HCRTR2: variants seen among roughly 807,000 people sequenced by gnomAD.
HCRTR2 encodes the protein hypocretin receptor 2, also known as orexin receptor type 2.
A neutral mutation model predicts 49.0 loss-of-function variants in HCRTR2; 22 were observed. That is an observed-to-expected ratio of 0.45 (90% CI 0.32 to 0.64). The LOEUF is 0.64. Among genes scored for constraint, HCRTR2 ranks in the 30% least tolerant of loss-of-function variants. HCRTR2 has a pLI of 0.04. For missense variants in HCRTR2, 491 were observed against 559.4 expected, an observed-to-expected ratio of 0.88 and a Z score of 1.23; for synonymous variants, 236 against 205.3, an observed-to-expected ratio of 1.15 and a Z score of -1.28.
intron 3 of HCRTR2, among the ~76,000 whole-genome samples, chr6:55,262,921 G>A (rs570119589): frequency 1.3e-5 from 2 of 150,904 alleles, no homozygotes; most frequent in East Asian, 1.9e-4. Flanking sequence ...TGTGTACATA[G>A]GATTAATTAT....
chr6:55,152,456 T>C (rs999496797), intron 1 of HCRTR2, among the ~76,000 whole-genome samples: 1 of 152,044 alleles, frequency 6.6e-6, no homozygotes, highest in Admixed American at 6.6e-5. Flanking sequence ...TATAGAGTTG[T>C]AGCAGTTCCT....
At chr6:55,268,955 T>TG in intron 4 of HCRTR2, among the ~76,000 whole-genome samples, 1 of 149,474 alleles carries the variant, frequency 6.7e-6, no homozygotes, top group Non-Finnish European at 1.5e-5. Context: ...CCGGGTGAGG[T>TG]GGGGGGCACC....
chr6:55,250,639 G>A (rs549756207), intron 2 of HCRTR2, among the ~76,000 whole-genome samples: 3 of 152,268 alleles, frequency 2.0e-5, no homozygotes, highest in South Asian at 4.1e-4. Flanking sequence ...AGTTTCCTGT[G>A]AGTATTTGCA....
At chr6:55,137,851 T>C (rs760113973) in intron 1 of HCRTR2, among the ~76,000 whole-genome samples, 1 of 152,236 alleles carries the variant, frequency 6.6e-6, no homozygotes, top group Admixed American at 6.5e-5. Flanking sequence ...TTAGTTGTTA[T>C]TGGAAATGTT....
chr6:55,172,003 T>C (rs1581806335), upstream of HCRTR2, among the ~76,000 whole-genome samples: 2 of 152,128 alleles, frequency 1.3e-5, no homozygotes, highest in African/African-American at 4.8e-5. Flanking sequence ...AAGAGTAAAA[T>C]GCAGATGTTA....
At chr6:55,268,900 C>A (rs1020876992) in intron 4 of HCRTR2, among the ~76,000 whole-genome samples, 1 of 151,728 alleles carries the variant, frequency 6.6e-6, no homozygotes, top group Non-Finnish European at 1.5e-5. Flanking sequence ...ACCATCCTAG[C>A]TAACATGGTG....
chr6:55,252,758 G>A (rs963733745), intron 2 of HCRTR2, among the ~76,000 whole-genome samples: 5 of 151,980 alleles, frequency 3.3e-5, no homozygotes, highest in Non-Finnish European at 5.9e-5. Context: ...TTTAGCAAAG[G>A]TTAGGCTTTC....
intron 1 of HCRTR2, among the ~76,000 whole-genome samples, chr6:55,106,721 C>T (rs1024131799): frequency 6.6e-6 from 1 of 152,098 alleles, no homozygotes; most frequent in Non-Finnish European, 1.5e-5. Context: ...AACCACCAAG[C>T]ATTCTACAGA....
At chr6:55,195,549 C>T (rs1160894302) in intron 1 of HCRTR2, among the ~76,000 whole-genome samples, 2 of 152,176 alleles carry the variant, frequency 1.3e-5, no homozygotes, top group Non-Finnish European at 2.9e-5. Context: ...CAATAATTCA[C>T]TGTATATTTC....
chr6:55,118,956 G>C (rs1764157692), intron 1 of HCRTR2, among the ~76,000 whole-genome samples: 1 of 151,584 alleles, frequency 6.6e-6, no homozygotes, highest in Non-Finnish European at 1.5e-5. Context: ...CCCCCTAACA[G>C]GCTCCAGTGT....
intron 1 of HCRTR2, among the ~76,000 whole-genome samples, chr6:55,235,735 CTTT>C (rs2127302103): frequency 6.6e-6 from 1 of 152,072 alleles, no homozygotes; most frequent in South Asian, 2.1e-4. Flanking sequence ...AAAGATACTT[CTTT>C]GATAATGCAG....
intron 1 of HCRTR2, among the ~76,000 whole-genome samples, chr6:55,113,226 C>A (rs1561974963): frequency 6.6e-6 from 1 of 151,982 alleles, no homozygotes. Context: ...TAGGCAAAGA[C>A]TTCATGACCA....
chr6:55,171,489 G>T (rs932578900), upstream of HCRTR2, among the ~76,000 whole-genome samples: 2 of 151,992 alleles, frequency 1.3e-5, no homozygotes, highest in Non-Finnish European at 2.9e-5. Flanking sequence ...GATATCAAAA[G>T]ATCTAAGGAA....
At chr6:55,250,192 G>C (rs2127313260) in intron 2 of HCRTR2, among the ~76,000 whole-genome samples, 1 of 152,168 alleles carries the variant, frequency 6.6e-6, no homozygotes, top group Non-Finnish European at 1.5e-5. Flanking sequence ...GTTTGGATCA[G>C]CCTGCTGAAA....
chr6:55,281,280 A>G (rs1436553649), intron 6 of HCRTR2, among the ~76,000 whole-genome samples: 2 of 152,222 alleles, frequency 1.3e-5, no homozygotes, highest in Non-Finnish European at 2.9e-5. Flanking sequence ...AAGGCAACAA[A>G]TTAGATTGAT....
At chr6:55,191,859 T>C (rs1765321414) in intron 1 of HCRTR2, among the ~76,000 whole-genome samples, 1 of 152,176 alleles carries the variant, frequency 6.6e-6, no homozygotes. Context: ...TCTAATCCAT[T>C]TGCAGACATA....
At position 55,206,281 on chromosome 6, in the gene HCRTR2, C is replaced by A. The variant is rs1263576975; in HGVS notation, c.223+31471C>A. On this transcript the variant is annotated intron_variant, in intron 1 of 6. Coordinates refer to ENST00000370862, the MANE Select transcript of HCRTR2 (RefSeq NM_001384272.1). ...TTATTTGAATTTGTAATATCTGAAA[C>A]CATTTTCATATTGAAGAATCACTTA... Among the ~76,000 whole-genome samples, 2 of 151,904 alleles carry A rather than the reference C, an allele frequency of 1.3e-5. 1 individual carries two copies. Among genetic ancestry groups the A allele is most frequent in the African/African-American group, 4.8e-5 (2 of 41,392 alleles).
chr6:55,113,234 C>A (rs934369548), intron 1 of HCRTR2, among the ~76,000 whole-genome samples: 3 of 151,946 alleles, frequency 2.0e-5, no homozygotes, highest in African/African-American at 7.2e-5. Flanking sequence ...GACTTCATGA[C>A]CAAGAACCCC....
chr6:55,221,583 G>GC (rs1187316620), intron 1 of HCRTR2, among the ~76,000 whole-genome samples: 3 of 152,118 alleles, frequency 2.0e-5, no homozygotes, highest in Non-Finnish European at 2.9e-5. Flanking sequence ...GGAGGCCAAG[G>GC]GGGTCAGATC....
Sources: gnomAD v4.1 joint callset for allele counts (sites outside exome capture counted in the v4.1 genomes callset) on GRCh38, gnomAD v4.1.1 for gene constraint, MANE v1.5 for transcripts, NCBI Gene and HGNC (gene_info 2026-07-23, HGNC 2026-07-21) for gene names.